The following IL1RAPL1 variants were observed in gnomAD, a reference collection of about 807,000 sequenced individuals.
IL1RAPL1 encodes the protein interleukin 1 receptor accessory protein like 1, also known as interleukin-1 receptor accessory protein-like 1.
A neutral mutation model predicts 48.4 loss-of-function variants in IL1RAPL1; 3 were observed. The ratio of observed to expected loss-of-function variants is 0.06; its 90% CI spans 0.03 to 0.16. The LOEUF is 0.16. Ranked by LOEUF, IL1RAPL1 falls within the 10% of genes least tolerant of loss-of-function variation. The probability of loss-of-function intolerance (pLI) is 1.00; values close to 1 mark genes in which losing one functional copy is unlikely to be tolerated. For synonymous variants in IL1RAPL1, 185 were observed against 187.7 expected (o/e 0.99, Z 0.12); for missense variants, 349 against 530.6 (o/e 0.66, Z 3.36).
At chrX:29,571,619 A>G (rs1217765947) in intron 5 of IL1RAPL1, among the ~76,000 whole-genome samples, 1 of 111,987 alleles carries the variant, frequency 8.9e-6, no homozygotes, top group Non-Finnish European at 1.9e-5. Flanking sequence ...TTCCCCTCCC[A>G]TATATAAAGT....
intron 5 of IL1RAPL1, among the ~76,000 whole-genome samples, chrX:29,613,967 G>T (rs1265842694): frequency 4.6e-5 from 5 of 109,002 alleles, no homozygotes; most frequent in Non-Finnish European, 9.5e-5. Flanking sequence ...GTTTCACCAT[G>T]TTAGCCAGGA....
chrX:29,183,160 G>A (rs1366913536), intron 2 of IL1RAPL1, among the ~76,000 whole-genome samples: 2 of 111,344 alleles, frequency 1.8e-5, no homozygotes, highest in African/African-American at 6.5e-5. Context: ...AGTACTTAAG[G>A]CCAGTATTGT....
chrX:28,765,537 C>G (rs1317881509), intron 1 of IL1RAPL1, among the ~76,000 whole-genome samples: 1 of 110,755 alleles, frequency 9.0e-6, no homozygotes, highest in African/African-American at 3.3e-5. Flanking sequence ...AAAATGATAT[C>G]ATGAGCGAAA....
At chrX:28,985,656 CA>C (rs1440255206) in intron 2 of IL1RAPL1, among the ~76,000 whole-genome samples, 6 of 103,551 alleles carry the variant, frequency 5.8e-5, no homozygotes, top group South Asian at 4.7e-4. Flanking sequence ...CTAACGAGCA[CA>C]TTTTTTTTTT....
chrX:29,803,177 A>G (rs1219389107), intron 6 of IL1RAPL1, among the ~76,000 whole-genome samples: 1 of 43,335 alleles, frequency 2.3e-5, no homozygotes, highest in Non-Finnish European at 4.2e-5. Context: ...ATATGCATAC[A>G]TATATGTATA....
intron 1 of IL1RAPL1, among the ~76,000 whole-genome samples, chrX:28,650,558 G>A (rs934578611): frequency 6.3e-5 from 7 of 111,645 alleles, no homozygotes; most frequent in Non-Finnish European, 1.1e-4. Context: ...ATTTGGGTGG[G>A]GACACAGACA....
chrX:28,637,267 C>T (rs1934476373), intron 1 of IL1RAPL1, among the ~76,000 whole-genome samples: 1 of 111,215 alleles, frequency 9.0e-6, no homozygotes, highest in Non-Finnish European at 1.9e-5. Flanking sequence ...ATGCTCTTCC[C>T]TCCAAATTTT....
At chrX:29,892,504 A>G (rs890726291) in intron 6 of IL1RAPL1, among the ~76,000 whole-genome samples, 5 of 112,737 alleles carry the variant, frequency 4.4e-5, no homozygotes, top group Non-Finnish European at 7.5e-5. Flanking sequence ...AAGATAAACT[A>G]TAGGTATAAT....
intron 1 of IL1RAPL1, among the ~76,000 whole-genome samples, chrX:28,708,592 T>G (rs1353594403): frequency 8.9e-6 from 1 of 111,977 alleles, no homozygotes; most frequent in Admixed American, 9.5e-5. Flanking sequence ...GAAAATGTGG[T>G]ATATATACAC....
At chrX:28,997,123 A>G (rs906017208) in intron 2 of IL1RAPL1, among the ~76,000 whole-genome samples, 2 of 110,908 alleles carry the variant, frequency 1.8e-5, no homozygotes, top group Admixed American at 1.9e-4. Context: ...GGTAGTGTGG[A>G]AGAAGTTGTA....
chrX:29,401,781 ATCCT>A (rs1246409014), intron 5 of IL1RAPL1, among the ~76,000 whole-genome samples: 1 of 111,219 alleles, frequency 9.0e-6, no homozygotes, highest in Non-Finnish European at 1.9e-5. Context: ...TGGGTGATCG[ATCCT>A]TCCCTTATTG....
At chrX:29,845,828 T>C (rs1356632558) in intron 6 of IL1RAPL1, among the ~76,000 whole-genome samples, 1 of 111,101 alleles carries the variant, frequency 9.0e-6, no homozygotes, top group Admixed American at 9.6e-5. Context: ...CTTACAATCA[T>C]GCAGAAAGGC....
chrX:29,745,037 A>G (rs1018519206), intron 6 of IL1RAPL1, among the ~76,000 whole-genome samples: 1 of 112,080 alleles, frequency 8.9e-6, no homozygotes, highest in African/African-American at 3.2e-5. Flanking sequence ...AGACGAGAGC[A>G]TCGTGACTCT....
At chrX:29,491,576 G>A (rs1346335790) in intron 5 of IL1RAPL1, among the ~76,000 whole-genome samples, 1 of 112,109 alleles carries the variant, frequency 8.9e-6, no homozygotes, top group African/African-American at 3.2e-5. Flanking sequence ...CACAGGTAAT[G>A]TCTCTATTTA....
chrX:29,583,926 C>G (rs1168832110), intron 5 of IL1RAPL1, among the ~76,000 whole-genome samples: 1 of 111,508 alleles, frequency 9.0e-6, no homozygotes, highest in Non-Finnish European at 1.9e-5. Flanking sequence ...ACAAAGTGAT[C>G]TCTGTGCCAT....
intron 2 of IL1RAPL1, among the ~76,000 whole-genome samples, chrX:29,074,828 G>T (rs894680417): frequency 8.9e-6 from 1 of 111,822 alleles, no homozygotes; most frequent in African/African-American, 3.2e-5. Context: ...TCTCAACTGT[G>T]ACTATGATTA....
At chrX:28,702,948 G>A (rs764094470) in intron 1 of IL1RAPL1, among the ~76,000 whole-genome samples, 197 of 110,932 alleles carry the variant, frequency 1.8e-3, no homozygotes, top group African/African-American at 6.2e-3. Context: ...ATTATTTGAA[G>A]TATCTGAATA....
At chrX:28,948,633 C>T (rs1336468172) in intron 2 of IL1RAPL1, among the ~76,000 whole-genome samples, 2 of 111,565 alleles carry the variant, frequency 1.8e-5, no homozygotes, top group African/African-American at 6.5e-5. Flanking sequence ...TTAGATGGTA[C>T]ATGTAAAGCA....
chrX:28,974,987 T>A (rs1925169551), intron 2 of IL1RAPL1, among the ~76,000 whole-genome samples: 1 of 112,350 alleles, frequency 8.9e-6, no homozygotes, highest in South Asian at 3.7e-4. Context: ...TGGAAGTTTT[T>A]CATATTGACT....
Sources: allele counts gnomAD v4.1 joint callset (sites outside exome capture counted in the v4.1 genomes callset), GRCh38; gene constraint gnomAD v4.1.1; transcripts MANE v1.5; gene names NCBI Gene and HGNC (gene_info 2026-07-23, HGNC 2026-07-21).